Variants in TACC3 observed in about 807,000 individuals in gnomAD.
TACC3 encodes transforming acidic coiled-coil containing protein 3.
In TACC3, 52 loss-of-function variants were observed where a neutral mutation model predicts 86.0. The ratio of observed to expected loss-of-function variants is 0.60; its 90% confidence interval spans 0.48 to 0.76. The LOEUF (loss-of-function observed/expected upper bound fraction) is 0.76, where lower values mean the gene tolerates loss of function less well. Among genes scored for constraint, TACC3 ranks in the 30% least tolerant of loss-of-function variants. The probability of loss-of-function intolerance (pLI) is 0.00; values close to 1 mark genes in which losing one functional copy is unlikely to be tolerated. For synonymous variants in TACC3, 512 were observed against 430.0 expected (o/e 1.19, Z -2.36); for missense variants, 1,120 against 1,070.4 (o/e 1.05, Z -0.65).
Position 1,728,429 on chromosome 4 carries a change from T to C in TACC3, c.1027T>C (p.Ser343Pro), listed in dbSNP as rs1184518959. Residue 343 changes from serine (S) to proline (P), a missense_variant, in exon 4 of 16, where the codon TCT becomes CCT. Ser to Pro is a moderately conservative substitution (Grantham distance 74). Coordinates refer to ENST00000313288, the MANE Select transcript of TACC3 (RefSeq NM_006342.3). Reference protein sequence around the residue: ...SGPVKLEFDVSDGATSKRAPP... With the variant: ...SGPVKLEFDVPDGATSKRAPP... ...ACCTGTAAAACTAGAATTTGATGTA[T>C]CTGATGGCGCCACCAGCAAAAGGGC... The C allele has an allele frequency of 6.2e-7, 1 of 1,613,552 alleles. No individual in the cohort carries two copies. The highest frequency in any genetic ancestry group is 1.7e-5 in the Admixed American group (1 of 60,024).
chr4:1,724,376 T>C (rs1181463848), intron 3 of TACC3, among the ~76,000 whole-genome samples: 1 of 146,774 alleles, frequency 6.8e-6, no homozygotes, highest in Non-Finnish European at 1.5e-5. Context: ...ACTTCATACT[T>C]CACTTTTTTT....
At chr4:1,724,001 C>T in intron 3 of TACC3, 131 bp downstream of exon 3, 4 of 1,020,186 alleles carry the variant, frequency 3.9e-6, no homozygotes, top group Middle Eastern at 3.2e-4. Context: ...TGGAGTCTCG[C>T]TCTGTTGCCC....
Position 1,745,042 on chromosome 4 carries a change from CT to C in TACC3, c.*30del. On this transcript the variant is annotated 3_prime_UTR_variant, in exon 16 of 16. Coordinates refer to ENST00000313288, the MANE Select transcript of TACC3 (RefSeq NM_006342.3). ...CCACGGAGCCGCTGTCCCCGCCCCC[CT>C]GCTCCCGTCTGTCTGTCCTGTCTGA... is the stretch of plus-strand genomic sequence containing the variant. The C allele has an allele frequency of 6.3e-7, 1 of 1,581,106 alleles. No homozygotes were observed. Among genetic ancestry groups the C allele is most frequent in the Admixed American group, 1.8e-5 (1 of 54,886 alleles).
At position 1,735,409 on chromosome 4, in the gene TACC3, T is replaced by C. The variant is rs1371569174; in HGVS notation, c.1644+84T>C. 4.7e-5 allele frequency: 71 copies of C among 1,507,720 alleles called. No homozygotes were observed. The highest frequency in any genetic ancestry group is 6.3e-5 in the Non-Finnish European group (68 of 1,086,218). The allele number at this position is 1,507,720 out of a possible 1,614,324, so 93.4% of individuals were successfully genotyped here. On this transcript the variant is annotated intron_variant, in intron 7 of 15. Transcript: ENST00000313288. This position sits in a 1 kb window ranked among gnomAD's most constrained non-coding sequence, Gnocchi z 4.2. ...CAGGTCTTGCCCCCGGAGCGTCCCT[T>C]GGTGCCCACGTCCCCCCAGCTGCAC...
chr4:1,731,451 T>C, intron 6 of TACC3, 150 bp downstream of exon 6: 2 of 897,152 alleles, frequency 2.2e-6, no homozygotes, highest in Non-Finnish European at 3.4e-6. Context: ...CACAAACTTG[T>C]GGTTTGTCAA....
Position 1,735,911 on chromosome 4 carries a change from T to A in TACC3, c.1748+77T>A. ...GGAGGCTGTTCCTAGGTGTGCTGTC[T>A]GCACAGAGGCTTCTAGACCGGGGGG... On this transcript the variant is annotated intron_variant, in intron 8 of 15. Transcript: ENST00000313288. This position sits in a 1 kb window ranked among gnomAD's most constrained non-coding sequence, Gnocchi z 4.2. 7.7e-6 allele frequency: 8 copies of A among 1,037,838 alleles called. No individual in the cohort carries two copies. Among genetic ancestry groups the A allele is most frequent in the South Asian group, 2.9e-5 (2 of 69,260 alleles). 64.3% of individuals were successfully genotyped at this position (1,037,838 alleles called of 1,614,324 possible).
At chr4:1,737,860 T>C in intron 10 of TACC3, 158 bp downstream of exon 10, 1 of 779,378 alleles carries the variant, frequency 1.3e-6, no homozygotes, top group South Asian at 1.5e-5. Context: ...CCCTGGCCTG[T>C]CACTACTGCC....
At position 1,728,287 on chromosome 4, in the gene TACC3, C is replaced by T; in HGVS notation, c.885C>T (p.His295=). 1 of 1,612,854 alleles carries T rather than the reference C, an allele frequency of 6.2e-7. No individual in the cohort carries two copies. Among genetic ancestry groups the T allele is most frequent in the Non-Finnish European group, 8.5e-7 (1 of 1,180,036 alleles). The change falls in exon 4 of 16, where the codon CAC becomes CAT. Residue 295 remains histidine (H), a synonymous_variant. Coordinates refer to ENST00000313288, the MANE Select transcript of TACC3 (RefSeq NM_006342.3). ...ADGTQTLTCA[H]TSAPESTAPT... ...GCACTCAGACCCTTACCTGTGCACA[C>T]ACCTCTGCTCCTGAGAGCACAGCCC...
intron 13 of TACC3, among the ~76,000 whole-genome samples, chr4:1,743,736 C>G (rs1718706004): frequency 6.6e-6 from 1 of 152,084 alleles, no homozygotes; most frequent in South Asian, 2.1e-4. Context: ...GGAGGCTTGA[C>G]CTGTGCACAC....
At chr4:1,738,840 GTTA>G (rs1718418084) in intron 10 of TACC3, among the ~76,000 whole-genome samples, 1 of 152,086 alleles carries the variant, frequency 6.6e-6, no homozygotes, top group South Asian at 2.1e-4. Context: ...GGGAAGGACG[GTTA>G]GGAACAGGTA....
At chr4:1,726,973 A>G (rs1032981221) in intron 3 of TACC3, among the ~76,000 whole-genome samples, 24 of 152,164 alleles carry the variant, frequency 1.6e-4, no homozygotes, top group African/African-American at 5.1e-4. Flanking sequence ...CTAAAAATAC[A>G]AAACAAAATT....
At chr4:1,724,954 G>A (rs564290607) in intron 3 of TACC3, among the ~76,000 whole-genome samples, 3 of 94,180 alleles carry the variant, frequency 3.2e-5, no homozygotes, top group East Asian at 3.4e-4. Flanking sequence ...TTTTTTACAC[G>A]GAGTTTCATT....
rs1048839601 is a variant in TACC3, at chr4:1,723,100, A to G, written c.-1-321A>G. On this transcript the variant is annotated intron_variant, in intron 1 of 15. Transcript: ENST00000313288. The stretch of plus-strand genomic sequence containing the variant: ...CTCTTGACTTCTGCTTGATATAGTA[A>G]TACAGCAGTAGAGATTATGCAGGCT... The G allele has an allele frequency of 3.2e-5, 9 of 285,436 alleles. No individual in the cohort carries two copies. In the East Asian group the frequency reaches 7.4e-4, roughly 23 times the overall value. The allele number at this position is 285,436 out of a possible 1,614,324, so 17.7% of individuals were successfully genotyped here. A position where few individuals can be genotyped will look rare whatever the true frequency, so the allele number is the denominator to read the frequency against.
chr4:1,739,778 G>T lies in TACC3; in HGVS notation c.2018G>T (p.Gly673Val), dbSNP rs1458671886. 1 of 1,583,840 alleles carries T rather than the reference G, an allele frequency of 6.3e-7. No homozygotes were observed. Among genetic ancestry groups the T allele is most frequent in the East Asian group, 2.3e-5 (1 of 43,022 alleles). Residue 673 changes from glycine to valine, a missense_variant and splice_region_variant, in exon 11 of 16, where the codon GGG becomes GTG. Gly to Val is a moderately radical substitution (Grantham distance 109). Transcript: ENST00000313288. ...CTCCACGGGAAGAACCTGGAACTGGGGTAAGGAGGCCCCGTCTCCTGTCCT... is the reference window on the plus strand; with the variant it reads ...CTCCACGGGAAGAACCTGGAACTGGTGTAAGGAGGCCCCGTCTCCTGTCCT... ...EELHGKNLELGKIMDRFEEVV... is the reference protein window; with the variant it reads ...EELHGKNLELVKIMDRFEEVV...
chr4:1,722,852 C>T (rs1374468), intron 1 of TACC3, among the ~76,000 whole-genome samples: 27,574 of 152,130 alleles, frequency 0.18, 2,747 homozygotes, highest in African/African-American at 0.2. Flanking sequence ...TCTGGGCTTC[C>T]CTTGTTTGCG....
rs1416738917 is a variant in TACC3, at chr4:1,723,161, C to A, written c.-1-260C>A. 7 of 513,210 alleles carry A rather than the reference C, an allele frequency of 1.4e-5. No individual in the cohort carries two copies. In the Admixed American group the frequency reaches 2.5e-4, roughly 19 times the overall value. 31.8% of individuals were successfully genotyped at this position (513,210 alleles called of 1,614,324 possible). ...TTCTCACCATCTCAGCCTGAAGGCCCTTTAGCTCTTGGTCCCAGGAAGCAG... is the reference window on the plus strand; with the variant it reads ...TTCTCACCATCTCAGCCTGAAGGCCATTTAGCTCTTGGTCCCAGGAAGCAG... On this transcript the variant is annotated intron_variant, in intron 1 of 15. Coordinates refer to ENST00000313288, the MANE Select transcript of TACC3 (RefSeq NM_006342.3).
intron 4 of TACC3, 91 bp from the exon 5 acceptor site, chr4:1,730,796 A>G: frequency 7.3e-7 from 1 of 1,371,302 alleles, no homozygotes; most frequent in Non-Finnish European, 1.0e-6. Flanking sequence ...ACAGCAGTGC[A>G]GGGAAAGGCG....
At position 1,728,329 on chromosome 4, in the gene TACC3, G is replaced by T. The variant is rs1293900377; in HGVS notation, c.927G>T (p.Val309=). Residue 309 remains valine (V), a synonymous_variant, in exon 4 of 16, where the codon GTG becomes GTT. Coordinates refer to ENST00000313288, the MANE Select transcript of TACC3 (RefSeq NM_006342.3). ...PESTAPTNHL[V]AGRAMTLSPQ... ...GCACAGCCCCAACCAACCACCTGGT[G>T]GCTGGCAGGGCCATGACCCTGAGTC... 2 of 1,612,944 alleles carry T rather than the reference G, an allele frequency of 1.2e-6. No homozygotes were observed. The highest frequency in any genetic ancestry group is 1.7e-6 in the Non-Finnish European group (2 of 1,180,046).
chr4:1,740,203 C>T, intron 12 of TACC3: 1 of 608,342 alleles, frequency 1.6e-6, no homozygotes, highest in Non-Finnish European at 2.9e-6. Context: ...CTGGTGGCTC[C>T]CACGGAGCCA....
Sources: allele counts gnomAD v4.1 joint callset (sites outside exome capture counted in the v4.1 genomes callset), GRCh38; gene constraint gnomAD v4.1.1; non-coding constraint Gnocchi (gnomAD v3.1); transcripts MANE v1.5; gene names NCBI Gene and HGNC (gene_info 2026-07-23, HGNC 2026-07-21).